The following ADGRA2 variants were observed in gnomAD, a reference collection of about 807,000 sequenced individuals.
ADGRA2 encodes G-protein coupled receptor 124.
ADGRA2 carries 61 observed loss-of-function variants against 98.7 expected under a neutral mutation model. The ratio of observed to expected loss-of-function variants is 0.62; its 90% confidence interval spans 0.50 to 0.76. The LOEUF (loss-of-function observed/expected upper bound fraction) is 0.76, where lower values mean the gene tolerates loss of function less well. Ranked by LOEUF, ADGRA2 falls within the 30% of genes least tolerant of loss-of-function variation. ADGRA2 has a pLI of 0.00. For synonymous variants in ADGRA2, 858 were observed against 831.5 expected, an observed-to-expected ratio of 1.03 and a Z score of -0.55; for missense variants, 1,712 against 1,860.0, an observed-to-expected ratio of 0.92 and a Z score of 1.46.
In ADGRA2 at chr8:37,841,821, G is replaced by A. The variant is rs752577558; in HGVS notation, c.3483G>A (p.Pro1161=). The A allele has an allele frequency of 4.7e-5, 72 of 1,530,392 alleles. No individual in the cohort carries two copies. Among genetic ancestry groups the A allele is most frequent in the Non-Finnish European group, 5.9e-5 (68 of 1,144,120 alleles). 94.8% of individuals were successfully genotyped at this position (1,530,392 alleles called of 1,614,324 possible). A position where few individuals can be genotyped will look rare whatever the true frequency, so the allele number is the denominator to read the frequency against. Residue 1161 remains proline (P), a synonymous_variant, in exon 19 of 19, where the codon CCG becomes CCA. Transcript: ENST00000412232. This position sits in a 1 kb window ranked among gnomAD's most constrained non-coding sequence, Gnocchi z 5.0. ...AAAGGEGEPE[P]AGTRGNLAHR... is the part of the protein sequence containing the mutation. Reference sequence around the variant, plus strand: ...CCGGCGGGGAAGGAGAGCCGGAGCCGGCGGGCACCCGGGGAAACCTCGCCC... The same window carrying A: ...CCGGCGGGGAAGGAGAGCCGGAGCCAGCGGGCACCCGGGGAAACCTCGCCC...
At chr8:37,825,315 C>A (rs968496700) in intron 2 of ADGRA2, among the ~76,000 whole-genome samples, 12 of 152,094 alleles carry the variant, frequency 7.9e-5, no homozygotes, top group African/African-American at 2.9e-4. Context: ...GAAATCTCAG[C>A]TCACTGCAAC....
rs1215868951 is a variant in ADGRA2 at position 37,802,987 on chromosome 8, T to C, written c.266+5453T>C. Among the ~76,000 whole-genome samples the C allele has an allele frequency of 3.3e-5, 5 of 152,166 alleles. No homozygotes were observed. Among genetic ancestry groups the C allele is most frequent in the African/African-American group, 1.2e-4 (5 of 41,434 alleles). On this transcript the variant is annotated intron_variant, in intron 1 of 18. Coordinates refer to ENST00000412232, the MANE Select transcript of ADGRA2 (RefSeq NM_032777.10). This position sits in a 1 kb window ranked among gnomAD's most constrained non-coding sequence, Gnocchi z 4.7. ...CCACTCCTGAAGCCACCGAAGTCCC[T>C]GCCTGCTGGCTACCACGGCTCTCCC...
intron 2 of ADGRA2, among the ~76,000 whole-genome samples, chr8:37,815,410 G>A (rs573551766): frequency 6.6e-5 from 10 of 152,340 alleles, no homozygotes; most frequent in African/African-American, 2.2e-4. Context: ...GGGGAAGTCC[G>A]ATCATTTCCA....
chr8:37,844,388 G>A lies in ADGRA2; in HGVS notation c.*2033G>A. ...AGCCCCTCTTGGTTCCTTCAAACAAGAAAAGCAATACCTACGGACTGGTGT... is the reference window on the plus strand; with the variant it reads ...AGCCCCTCTTGGTTCCTTCAAACAAAAAAAGCAATACCTACGGACTGGTGT... On this transcript the variant is annotated 3_prime_UTR_variant, in exon 19 of 19. Coordinates refer to ENST00000412232, the MANE Select transcript of ADGRA2 (RefSeq NM_032777.10). 1 of 1,488,176 alleles carries A rather than the reference G, an allele frequency of 6.7e-7. No homozygotes were observed. Among genetic ancestry groups the A allele is most frequent in the South Asian group, 1.3e-5 (1 of 76,714 alleles). The allele number at this position is 1,488,176 out of a possible 1,614,324, so 92.2% of individuals were successfully genotyped here. A position where few individuals can be genotyped will look rare whatever the true frequency, so the allele number is the denominator to read the frequency against.
Position 37,839,507 on chromosome 8 carries a change from G to C in ADGRA2, c.2396G>C (p.Arg799Pro), listed in dbSNP as rs372478146. 4 of 1,613,992 alleles carry C rather than the reference G, an allele frequency of 2.5e-6. No homozygotes were observed. The highest frequency in any genetic ancestry group is 2.5e-6 in the Non-Finnish European group (3 of 1,180,024). Residue 799 changes from arginine to proline, a missense_variant, in exon 16 of 19, where the codon CGT becomes CCT. Physicochemically the swap from Arg to Pro is moderately radical, Grantham distance 103. Coordinates refer to ENST00000412232, the MANE Select transcript of ADGRA2 (RefSeq NM_032777.10). ...ITYILNHSSI[R>P]VSRKGWHMLL... ...AGACTGTTTCCGGGCAGCTCCATCC[G>C]TGTGTCCCGGAAAGGCTGGCACATG...
rs868682527 is a variant in ADGRA2, at chr8:37,841,218, G to C, written c.2880G>C (p.Ala960=). ...GTCCTCTGGCACAGAACCCCAAGGCGGGCAACAGCAGGGCCTCCCTGGAGG... is the reference window on the plus strand; with the variant it reads ...GTCCTCTGGCACAGAACCCCAAGGCCGGCAACAGCAGGGCCTCCCTGGAGG... The part of the protein sequence containing the change: ...LRGPLAQNPK[A]GNSRASLEAG... The change falls in exon 19 of 19, where the codon GCG becomes GCC. Residue 960 remains alanine (A), a synonymous_variant. Coordinates refer to ENST00000412232, the MANE Select transcript of ADGRA2 (RefSeq NM_032777.10). The surrounding 1 kb of genome is among the most constrained non-coding windows in gnomAD (Gnocchi z 5.0). 3 of 1,613,472 alleles carry C rather than the reference G, an allele frequency of 1.9e-6. No homozygotes were observed. Among genetic ancestry groups the C allele is most frequent in the Middle Eastern group, 1.6e-4 (1 of 6,084 alleles).
chr8:37,822,987 G>A (rs1805168967), intron 2 of ADGRA2, among the ~76,000 whole-genome samples: 1 of 151,206 alleles, frequency 6.6e-6, no homozygotes, highest in Admixed American at 6.6e-5. Flanking sequence ...CTCCTCCCGA[G>A]TTCAAGCGAT....
At chr8:37,800,300 G>C (rs973463720) in intron 1 of ADGRA2, among the ~76,000 whole-genome samples, 1 of 152,200 alleles carries the variant, frequency 6.6e-6, no homozygotes, top group African/African-American at 2.4e-5. Context: ...GCAGTTGATG[G>C]GACTCCGGAG....
Position 37,820,433 on chromosome 8 carries a change from A to G in ADGRA2, c.338+5466A>G, listed in dbSNP as rs1252185549. Reference sequence around the variant, plus strand: ...GAATTTTTTACATGCTATGCAGGCAATTCTCATGCTCATCCAGGGTTAGGT... The same window carrying G: ...GAATTTTTTACATGCTATGCAGGCAGTTCTCATGCTCATCCAGGGTTAGGT... On this transcript the variant is annotated intron_variant, in intron 2 of 18. Coordinates refer to ENST00000412232, the MANE Select transcript of ADGRA2 (RefSeq NM_032777.10). Among the ~76,000 whole-genome samples the G allele has an allele frequency of 2.6e-5, 4 of 152,290 alleles. No homozygotes were observed. The East Asian group carries it at 5.8e-4, about 22-fold the overall frequency.
chr8:37,844,218 C>T lies in ADGRA2; in HGVS notation c.*1863C>T. ...CAGCAGCAAAGAGCCTGACATTTTC[C>T]CATCCATCTATGAGGAAAGCCATCT... On this transcript the variant is annotated 3_prime_UTR_variant, in exon 19 of 19. Transcript: ENST00000412232. 1 of 448,240 alleles carries T rather than the reference C, an allele frequency of 2.2e-6. No homozygotes were observed. Among genetic ancestry groups the T allele is most frequent in the Non-Finnish European group, 4.0e-6 (1 of 248,152 alleles). 27.8% of individuals were successfully genotyped at this position (448,240 alleles called of 1,614,324 possible). A position where few individuals can be genotyped will look rare whatever the true frequency, so the allele number is the denominator to read the frequency against.
At chr8:37,809,460 C>T (rs1269164172) in intron 1 of ADGRA2, among the ~76,000 whole-genome samples, 3 of 152,262 alleles carry the variant, frequency 2.0e-5, no homozygotes, top group South Asian at 2.1e-4. Context: ...GAGTAAACTT[C>T]CTCAGACCTC....
At chr8:37,828,832 G>A (rs1462791360) in intron 2 of ADGRA2, 56 bp from the exon 3 acceptor site, 1 of 1,432,576 alleles carries the variant, frequency 7.0e-7, no homozygotes, top group Non-Finnish European at 9.5e-7. Context: ...CCCTCCCGGG[G>A]AGCAGGGCGG....
At chr8:37,837,259 G>A (rs995905725) in intron 13 of ADGRA2, among the ~76,000 whole-genome samples, 1 of 152,224 alleles carries the variant, frequency 6.6e-6, no homozygotes, top group Non-Finnish European at 1.5e-5. Flanking sequence ...GAGTGTGTGG[G>A]TTGAGGCGGG....
chr8:37,843,576 G>A lies in ADGRA2; in HGVS notation c.*1221G>A, dbSNP rs1805880944. 1 of 152,130 alleles carries A rather than the reference G, an allele frequency of 6.6e-6. No homozygotes were observed. The highest frequency in any genetic ancestry group is 1.5e-5 in the Non-Finnish European group (1 of 68,036). 9.4% of individuals were successfully genotyped at this position (152,130 alleles called of 1,614,324 possible). On this transcript the variant is annotated 3_prime_UTR_variant, in exon 19 of 19. Coordinates refer to ENST00000412232, the MANE Select transcript of ADGRA2 (RefSeq NM_032777.10). ...GAAACCGAGGGAACCCTGGGTCTTG[G>A]GAAGAACAACAGGAAACCAAGGTCT...
rs1804931248 is a variant in ADGRA2, at chr8:37,814,794, G to A, written c.267-102G>A. On this transcript the variant is annotated intron_variant, in intron 1 of 18. Transcript: ENST00000412232. This position sits in a 1 kb window ranked among gnomAD's most constrained non-coding sequence, Gnocchi z 4.3. Reference sequence around the variant, plus strand: ...GCTGCTGCCTCGCACAACTCCAGGGGGCGCCATTGACAAAGATGCAAGCTG... The same window carrying A: ...GCTGCTGCCTCGCACAACTCCAGGGAGCGCCATTGACAAAGATGCAAGCTG... The A allele has an allele frequency of 3.7e-6, 3 of 813,088 alleles. No individual in the cohort carries two copies. Among genetic ancestry groups the A allele is most frequent in the Non-Finnish European group, 6.5e-6 (3 of 464,444 alleles). The allele number at this position is 813,088 out of a possible 1,614,324, so 50.4% of individuals were successfully genotyped here. A position where few individuals can be genotyped will look rare whatever the true frequency, so the allele number is the denominator to read the frequency against.
intron 1 of ADGRA2, among the ~76,000 whole-genome samples, chr8:37,806,007 A>G (rs1804648133): frequency 6.6e-6 from 1 of 151,940 alleles, no homozygotes. Flanking sequence ...ATCACCACCT[A>G]CCCCTCAAAG....
Position 37,830,616 on chromosome 8 carries a change from C to T in ADGRA2, c.719-94C>T, listed in dbSNP as rs1215580513. 3.5e-6 allele frequency: 2 copies of T among 565,392 alleles called. No individual in the cohort carries two copies. Among genetic ancestry groups the T allele is most frequent in the African/African-American group, 1.9e-5 (1 of 53,372 alleles). The allele number at this position is 565,392 out of a possible 1,614,324, so 35.0% of individuals were successfully genotyped here. ...AGCAGGCTGCAGGCCGAGGGCCCCG[C>T]CCCGCCCCACCCCATCCTGCTGGAC... On this transcript the variant is annotated intron_variant, in intron 6 of 18. Coordinates refer to ENST00000412232, the MANE Select transcript of ADGRA2 (RefSeq NM_032777.10). This position sits in a 1 kb window ranked among gnomAD's most constrained non-coding sequence, Gnocchi z 4.8.
intron 1 of ADGRA2, among the ~76,000 whole-genome samples, chr8:37,801,499 C>T (rs1804503316): frequency 6.6e-6 from 1 of 152,154 alleles, no homozygotes; most frequent in Admixed American, 6.5e-5. Context: ...GGCTGAGGTT[C>T]TCAGCTCTGG....
intron 16 of ADGRA2, among the ~76,000 whole-genome samples, 160 bp downstream of exon 16, chr8:37,839,782 T>G (rs1805736034): frequency 6.6e-6 from 1 of 151,704 alleles, no homozygotes; most frequent in Admixed American, 6.6e-5. Context: ...TGGTGGGTCG[T>G]GGAGAGTGAA....
Sources: gnomAD v4.1 joint callset for allele counts (sites outside exome capture counted in the v4.1 genomes callset) on GRCh38, gnomAD v4.1.1 for gene constraint, Gnocchi (gnomAD v3.1) non-coding constraint, MANE v1.5 for transcripts, NCBI Gene and HGNC (gene_info 2026-07-23, HGNC 2026-07-21) for gene names.